RARS2: variants seen among roughly 807,000 people sequenced by gnomAD.
RARS2 encodes the protein arginyl-tRNA synthetase 2, mitochondrial, also known as probable arginine--tRNA ligase, mitochondrial.
Under a neutral mutation model 88.5 loss-of-function variants are expected in RARS2, and 67 were observed. The observed-to-expected ratio is 0.76, with a 90% CI of 0.62 to 0.93. The LOEUF (loss-of-function observed/expected upper bound fraction) is 0.93, where lower values mean the gene tolerates loss of function less well. Among genes scored for constraint, RARS2 ranks in the 40% least tolerant of loss-of-function variants. The pLI, the probability that RARS2 is intolerant of heterozygous loss-of-function variation, is 0.00. For missense variants in RARS2, 664 were observed against 684.2 expected, an observed-to-expected ratio of 0.97 and a Z score of 0.33; for synonymous variants, 239 against 230.3, an observed-to-expected ratio of 1.04 and a Z score of -0.34.
intron 4 of RARS2, among the ~76,000 whole-genome samples, chr6:87,557,617 G>A (rs1462376852): frequency 1.3e-5 from 2 of 152,114 alleles, no homozygotes; most frequent in Admixed American, 6.5e-5. Context: ...AGTCCCTTTC[G>A]ATCATCTGTC....
At chr6:87,549,787 T>C (rs192831496) in intron 5 of RARS2, among the ~76,000 whole-genome samples, 9 of 152,334 alleles carry the variant, frequency 5.9e-5, no homozygotes, top group Admixed American at 2.6e-4. Context: ...GCTTTTATCT[T>C]TTATTTTACA....
chr6:87,564,260 AACTGTT>A (rs780191455), intron 2 of RARS2, 28 bp from the exon 3 acceptor site: 1 of 1,468,658 alleles, frequency 6.8e-7, no homozygotes, highest in Non-Finnish European at 9.5e-7. Context: ...AACGAGATAG[AACTGTT>A]ACCTTAAAAG....
chr6:87,558,751 A>G (rs913595452), intron 4 of RARS2, among the ~76,000 whole-genome samples: 3 of 152,254 alleles, frequency 2.0e-5, no homozygotes, highest in Non-Finnish European at 4.4e-5. Flanking sequence ...ACAATTATGT[A>G]CATCATGATA....
chr6:87,543,348 A>C (rs574622188), intron 7 of RARS2, among the ~76,000 whole-genome samples: 9 of 151,666 alleles, frequency 5.9e-5, no homozygotes, highest in African/African-American at 1.9e-4. Flanking sequence ...AAAAAAACAA[A>C]ACCAACTTAT....
intron 1 of RARS2, among the ~76,000 whole-genome samples, chr6:87,576,906 C>T (rs927083277): frequency 1.3e-5 from 2 of 152,128 alleles, no homozygotes; most frequent in African/African-American, 4.8e-5. Flanking sequence ...TTTGTAGTCA[C>T]ATTAAATCAC....
intron 8 of RARS2, among the ~76,000 whole-genome samples, chr6:87,532,756 G>A (rs1582416703): frequency 6.6e-6 from 1 of 152,128 alleles, no homozygotes; most frequent in Non-Finnish European, 1.5e-5. Context: ...TCGGGGGGAG[G>A]AGTGGTCTTA....
At chr6:87,545,512 T>C in intron 7 of RARS2, 104 bp downstream of exon 7, 1 of 1,405,000 alleles carries the variant, frequency 7.1e-7, no homozygotes, top group Non-Finnish European at 9.8e-7. Context: ...AGGTAGGACA[T>C]ACTACTTCAT....
At chr6:87,521,425 T>C in intron 12 of RARS2, 39 bp downstream of exon 12, 2 of 1,454,418 alleles carry the variant, frequency 1.4e-6, no homozygotes, top group Non-Finnish European at 9.6e-7. Flanking sequence ...GTAGTTTTCA[T>C]GAGTTAAGAG....
chr6:87,575,249 ACACAC>A (rs1290332210), intron 1 of RARS2, among the ~76,000 whole-genome samples: 3 of 146,066 alleles, frequency 2.1e-5, no homozygotes, highest in Non-Finnish European at 4.5e-5. Flanking sequence ...ACACACACAC[ACACAC>A]ACACACACAC....
At chr6:87,553,261 T>C (rs760251274) in intron 5 of RARS2, among the ~76,000 whole-genome samples, 1 of 152,148 alleles carries the variant, frequency 6.6e-6, no homozygotes, top group Non-Finnish European at 1.5e-5. Flanking sequence ...CCATTTTTGA[T>C]TTGTAGCCCC....
chr6:87,548,717 T>C, intron 5 of RARS2, 71 bp from the exon 6 acceptor site: 1 of 1,421,840 alleles, frequency 7.0e-7, no homozygotes, highest in Non-Finnish European at 9.8e-7. Context: ...AGGTCATGCC[T>C]CCATACTTTG....
chr6:87,534,731 T>C (rs762038404), intron 8 of RARS2, among the ~76,000 whole-genome samples: 1 of 151,914 alleles, frequency 6.6e-6, no homozygotes, highest in African/African-American at 2.4e-5. Flanking sequence ...GAAAGGAGAA[T>C]TACCTGGAAT....
At chr6:87,545,805 T>C in intron 6 of RARS2, 106 bp from the exon 7 acceptor site, 3 of 1,312,246 alleles carry the variant, frequency 2.3e-6, no homozygotes, top group African/African-American at 1.5e-5. Context: ...TTCTTTTCAC[T>C]AAATTTACCA....
At chr6:87,531,927 T>A (rs1045002925) in intron 8 of RARS2, among the ~76,000 whole-genome samples, 1 of 152,118 alleles carries the variant, frequency 6.6e-6, no homozygotes, top group Non-Finnish European at 1.5e-5. Context: ...GCTATTAAAG[T>A]CTCATGAAAG....
At chr6:87,514,808 A>G (rs1287428830) in intron 19 of RARS2, 149 bp downstream of exon 19, 2 of 734,178 alleles carry the variant, frequency 2.7e-6, no homozygotes, top group African/African-American at 1.7e-5. Context: ...GTATATACAC[A>G]TTGATTGTTA....
chr6:87,520,079 G>C, intron 13 of RARS2, 101 bp downstream of exon 13: 1 of 1,029,484 alleles, frequency 9.7e-7, no homozygotes, highest in East Asian at 2.4e-5. Context: ...CCAGTATCTT[G>C]AAACAAAGAA....
At chr6:87,579,715 G>GT (rs35014020) in intron 1 of RARS2, among the ~76,000 whole-genome samples, 1,344 of 60,476 alleles carry the variant, frequency 0.022, 369 homozygotes, top group African/African-American at 0.034. Flanking sequence ...CATAGAGCAT[G>GT]TTTTTTTTTT....
At chr6:87,538,807 G>A (rs1189350100) in intron 8 of RARS2, among the ~76,000 whole-genome samples, 1 of 152,118 alleles carries the variant, frequency 6.6e-6, no homozygotes, top group Non-Finnish European at 1.5e-5. Flanking sequence ...TTTGAGGCAG[G>A]AGGACTGTTT....
intron 7 of RARS2, among the ~76,000 whole-genome samples, chr6:87,545,051 T>C (rs963990485): frequency 2.6e-5 from 4 of 152,102 alleles, no homozygotes; most frequent in African/African-American, 9.7e-5. Context: ...CTAATAAAAG[T>C]AGGCAATTTC....
Sources: gnomAD v4.1 joint callset for allele counts (sites outside exome capture counted in the v4.1 genomes callset) on GRCh38, gnomAD v4.1.1 for gene constraint, MANE v1.5 for transcripts, NCBI Gene and HGNC (gene_info 2026-07-23, HGNC 2026-07-21) for gene names.